Variants in PREX2 observed in about 807,000 individuals in gnomAD.
PREX2 encodes the protein phosphatidylinositol-3,4,5-trisphosphate dependent Rac exchange factor 2.
PREX2 carries 107 observed loss-of-function variants against 203.2 expected under a neutral mutation model. The ratio of observed to expected loss-of-function variants is 0.53; its 90% CI spans 0.45 to 0.62. The LOEUF is 0.62. Among genes scored for constraint, PREX2 ranks in the 20% least tolerant of loss-of-function variants. The pLI, the probability that PREX2 is intolerant of heterozygous loss-of-function variation, is 0.00. For synonymous variants in PREX2, 672 were observed against 663.6 expected, an observed-to-expected ratio of 1.01 and a Z score of -0.19; for missense variants, 1,777 against 1,955.9, an observed-to-expected ratio of 0.91 and a Z score of 1.72.
rs577069262 is a variant in PREX2, at chr8:67,952,354, C to T, written c.-41C>T. ...AGCAGCGGGCGCGCGGGTCAGCGCT[C>T]AGCACGGCGGGCAGCGCCGCGCTGC... On this transcript the variant is annotated 5_prime_UTR_variant, in exon 1 of 40. Coordinates refer to ENST00000288368, the MANE Select transcript of PREX2 (RefSeq NM_024870.4). 6.8e-7 allele frequency: 1 copy of T among 1,468,586 alleles called. No homozygotes were observed. The highest frequency in any genetic ancestry group is 2.9e-5 in the East Asian group (1 of 34,342). The allele number at this position is 1,468,586 out of a possible 1,614,324, so 91.0% of individuals were successfully genotyped here.
intron 13 of PREX2, among the ~76,000 whole-genome samples, chr8:68,071,603 G>A (rs952301120): frequency 6.6e-6 from 1 of 151,950 alleles, no homozygotes; most frequent in African/African-American, 2.4e-5. Context: ...TCTGCCCTTG[G>A]GTATTCAGTT....
chr8:68,095,528 CATACAT>C (rs1249979614), intron 21 of PREX2, among the ~76,000 whole-genome samples: 4 of 142,104 alleles, frequency 2.8e-5, no homozygotes, highest in South Asian at 2.3e-4. Context: ...TACATACATA[CATACAT>C]ATATGTGTGT....
chr8:68,164,395 C>A (rs11774778), intron 35 of PREX2, among the ~76,000 whole-genome samples: 2 of 151,408 alleles, frequency 1.3e-5, no homozygotes, highest in Non-Finnish European at 2.9e-5. Context: ...TACACACACA[C>A]TATATATATT....
At chr8:68,041,159 A>G (rs1167440779) in intron 7 of PREX2, among the ~76,000 whole-genome samples, 3 of 152,210 alleles carry the variant, frequency 2.0e-5, no homozygotes, top group Non-Finnish European at 4.4e-5. Flanking sequence ...AAGGTAAAGC[A>G]GTAGTTGAAA....
chr8:68,057,115 G>A (rs7005752), intron 10 of PREX2, among the ~76,000 whole-genome samples: 27,452 of 152,044 alleles, frequency 0.18, 2,527 homozygotes, highest in African/African-American at 0.21. Flanking sequence ...GATCATGGGG[G>A]TGGCTTCCAC....
chr8:68,236,187 G>A lies in PREX2; in HGVS notation c.*4809G>A, dbSNP rs1813261208. On this transcript the variant is annotated 3_prime_UTR_variant, in exon 40 of 40. Coordinates refer to ENST00000288368, the MANE Select transcript of PREX2 (RefSeq NM_024870.4). The stretch of plus-strand genomic sequence containing the variant: ...TTTTGATCACTGACACTACTTTGCT[G>A]TTCAATCTGGAATCAACTGACCTGG... 2 of 152,088 alleles carry A rather than the reference G, an allele frequency of 1.3e-5. No homozygotes were observed. The highest frequency in any genetic ancestry group is 4.8e-5 in the African/African-American group (2 of 41,418). 9.4% of individuals were successfully genotyped at this position (152,088 alleles called of 1,614,324 possible).
At chr8:68,134,410 A>G in intron 32 of PREX2, 134 bp downstream of exon 32, 1 of 677,366 alleles carries the variant, frequency 1.5e-6, no homozygotes, top group Non-Finnish European at 2.5e-6. Flanking sequence ...TACTTTAAAA[A>G]TATACATTTT....
chr8:67,981,547 T>G (rs1806270799), intron 1 of PREX2, among the ~76,000 whole-genome samples: 1 of 152,182 alleles, frequency 6.6e-6, no homozygotes, highest in Non-Finnish European at 1.5e-5. Flanking sequence ...ATGCTTTTCC[T>G]TGTGAACAGG....
intron 35 of PREX2, among the ~76,000 whole-genome samples, chr8:68,166,704 G>T (rs1014466632): frequency 2.6e-5 from 4 of 152,242 alleles, no homozygotes; most frequent in Non-Finnish European, 2.9e-5. Context: ...GCAGTGATTT[G>T]TGCCTATAAT....
intron 35 of PREX2, among the ~76,000 whole-genome samples, chr8:68,189,748 A>G (rs1375106173): frequency 2.6e-5 from 4 of 152,076 alleles, no homozygotes; most frequent in East Asian, 1.9e-4. Context: ...CATCAGTGTT[A>G]TGTGCTTAGG....
At chr8:68,224,650 C>T (rs1813022153) in intron 39 of PREX2, 24 bp downstream of exon 39, 1 of 1,590,598 alleles carries the variant, frequency 6.3e-7, no homozygotes, top group Non-Finnish European at 8.6e-7. Flanking sequence ...CTGCTCTGCC[C>T]TTGCCCGAAA....
intron 1 of PREX2, among the ~76,000 whole-genome samples, chr8:67,964,628 G>T (rs1805717289): frequency 6.7e-6 from 1 of 149,606 alleles, no homozygotes; most frequent in Non-Finnish European, 1.5e-5. Context: ...GGTTGTTTTT[G>T]TTTTTTTTTC....
intron 14 of PREX2, among the ~76,000 whole-genome samples, chr8:68,075,682 T>C (rs2129611753): frequency 6.6e-6 from 1 of 152,370 alleles, no homozygotes; most frequent in East Asian, 1.9e-4. Flanking sequence ...ATATTTTTTC[T>C]ATCACTTGGC....
intron 1 of PREX2, among the ~76,000 whole-genome samples, chr8:68,016,223 C>T (rs532888561): frequency 2.0e-4 from 30 of 151,988 alleles, no homozygotes; most frequent in African/African-American, 5.8e-4. Flanking sequence ...TGGTAAATGC[C>T]GCCTACTTTT....
intron 19 of PREX2, 51 bp downstream of exon 19, chr8:68,087,860 G>T: frequency 8.5e-7 from 1 of 1,172,210 alleles, no homozygotes; most frequent in Non-Finnish European, 1.3e-6. Flanking sequence ...TTTGGGATGT[G>T]CCCGATGGAA....
rs184561399 is a variant in PREX2 at position 68,025,202 on chromosome 8, T to A, written c.442-2020T>A. ...AATAACTTTGCTCAGTCTTTTTTTTTATTTTTTTTAAATCTGCGAATGTCT... is the reference window on the plus strand; with the variant it reads ...AATAACTTTGCTCAGTCTTTTTTTTAATTTTTTTTAAATCTGCGAATGTCT... On this transcript the variant is annotated intron_variant, in intron 4 of 39. Coordinates refer to ENST00000288368, the MANE Select transcript of PREX2 (RefSeq NM_024870.4). Among the ~76,000 whole-genome samples, 1,378 of 152,014 alleles carry A rather than the reference T, an allele frequency of 9.1e-3. 11 individuals carry two copies. The highest frequency in any genetic ancestry group is 0.026 in the African/African-American group (1,096 of 41,514).
intron 35 of PREX2, among the ~76,000 whole-genome samples, chr8:68,174,940 C>T (rs1334257005): frequency 6.6e-6 from 1 of 152,158 alleles, no homozygotes; most frequent in Non-Finnish European, 1.5e-5. Context: ...ATATTGTGCA[C>T]CTGTATGCAA....
chr8:68,026,617 A>G (rs1408635384), intron 4 of PREX2, among the ~76,000 whole-genome samples: 1 of 151,606 alleles, frequency 6.6e-6, no homozygotes, highest in East Asian at 2.0e-4. Flanking sequence ...AGATTTCCTC[A>G]TTCATCTTGC....
At chr8:68,130,390 G>A (rs1030719167) in intron 31 of PREX2, among the ~76,000 whole-genome samples, 2 of 152,112 alleles carry the variant, frequency 1.3e-5, no homozygotes, top group African/African-American at 4.8e-5. Flanking sequence ...ATAATTGAAA[G>A]AAAAAGACCT....
Sources: allele counts gnomAD v4.1 joint callset (sites outside exome capture counted in the v4.1 genomes callset), GRCh38; gene constraint gnomAD v4.1.1; transcripts MANE v1.5; gene names NCBI Gene and HGNC (gene_info 2026-07-23, HGNC 2026-07-21).